Variants in ATL1 observed in about 807,000 individuals in gnomAD.
ATL1 encodes atlastin GTPase 1.
Under a neutral mutation model 75.5 loss-of-function variants are expected in ATL1, and 31 were observed. The observed-to-expected ratio is 0.41, with a 90% CI of 0.31 to 0.55. The LOEUF (loss-of-function observed/expected upper bound fraction) is 0.55, where lower values mean the gene tolerates loss of function less well. Among genes scored for constraint, ATL1 ranks in the 20% least tolerant of loss-of-function variants. The pLI is 0.27. For synonymous variants in ATL1, 226 were observed against 233.3 expected (o/e 0.97, Z 0.28); for missense variants, 405 against 662.6 (o/e 0.61, Z 4.27).
intron 8 of ATL1, among the ~76,000 whole-genome samples, chr14:50,615,869 G>A (rs1440570473): frequency 2.6e-5 from 4 of 152,138 alleles, no homozygotes; most frequent in Non-Finnish European, 5.9e-5. Flanking sequence ...TAAAAATGAT[G>A]GTGGCTTGTT....
intron 4 of ATL1, among the ~76,000 whole-genome samples, chr14:50,592,333 TA>T (rs1566724404): frequency 6.6e-6 from 1 of 151,742 alleles, no homozygotes; most frequent in East Asian, 1.9e-4. Context: ...GGCAGATCAA[TA>T]AAAAAAGGTA....
At chr14:50,548,669 C>A (rs1177088859) in intron 1 of ATL1, among the ~76,000 whole-genome samples, 1 of 152,090 alleles carries the variant, frequency 6.6e-6, no homozygotes, top group Non-Finnish European at 1.5e-5. Flanking sequence ...ACCGCCACGC[C>A]CAGCTAATTT....
intron 1 of ATL1, among the ~76,000 whole-genome samples, chr14:50,539,541 C>T (rs956624007): frequency 6.6e-6 from 1 of 152,152 alleles, no homozygotes; most frequent in Non-Finnish European, 1.5e-5. Context: ...AACGTGAGAC[C>T]CAGTTCTGTT....
At position 50,541,515 on chromosome 14, in the gene ATL1, G is replaced by C. The variant is rs75932976; in HGVS notation, c.-140+8148G>C. Among the ~76,000 whole-genome samples the C allele has an allele frequency of 2.8e-3, 427 of 152,288 alleles. 2 individuals are homozygous for C. Among genetic ancestry groups the C allele is most frequent in the Non-Finnish European group, 4.2e-3 (285 of 68,028 alleles). Reference sequence around the variant, plus strand: ...TATTTTGAGACAATGTACTGCATTTGCTACTCTTTGACCCATGTAACCTGT... The same window carrying C: ...TATTTTGAGACAATGTACTGCATTTCCTACTCTTTGACCCATGTAACCTGT... On this transcript the variant is annotated intron_variant, in intron 1 of 13. Coordinates refer to the ATL1 transcript ENST00000441560.
chr14:50,582,047 G>T (rs1020964741), intron 1 of ATL1, among the ~76,000 whole-genome samples: 1 of 152,040 alleles, frequency 6.6e-6, no homozygotes, highest in Non-Finnish European at 1.5e-5. Context: ...TTGGGAGGCC[G>T]AGGCGGGCGG....
chr14:50,627,336 T>C (rs1202329959), intron 11 of ATL1, among the ~76,000 whole-genome samples: 1 of 152,160 alleles, frequency 6.6e-6, no homozygotes, highest in Non-Finnish European at 1.5e-5. Flanking sequence ...TTATATGAAT[T>C]AGGAAATAAA....
At chr14:50,554,230 C>T (rs1050003798) in intron 1 of ATL1, among the ~76,000 whole-genome samples, 1 of 152,024 alleles carries the variant, frequency 6.6e-6, no homozygotes, top group Non-Finnish European at 1.5e-5. Flanking sequence ...AACTCAAATT[C>T]GTTATATAAC....
intron 6 of ATL1, 22 bp from the exon 7 acceptor site, chr14:50,613,237 A>G (rs1214576664): frequency 1.3e-6 from 2 of 1,584,232 alleles, no homozygotes. Context: ...CCTCATATCA[A>G]TCCTTTCTTA....
At chr14:50,614,915 A>T (rs2039400695) in intron 8 of ATL1, among the ~76,000 whole-genome samples, 1 of 152,214 alleles carries the variant, frequency 6.6e-6, no homozygotes, top group South Asian at 2.1e-4. Context: ...GCTCTTTAAA[A>T]CTGCTCCTAA....
At chr14:50,579,303 A>G (rs1326247698) in intron 1 of ATL1, among the ~76,000 whole-genome samples, 2 of 152,138 alleles carry the variant, frequency 1.3e-5, no homozygotes, top group African/African-American at 2.4e-5. Context: ...AGATGATTGT[A>G]TATGTGTGGG....
At chr14:50,610,864 C>T (rs2039359284) in intron 6 of ATL1, among the ~76,000 whole-genome samples, 1 of 152,084 alleles carries the variant, frequency 6.6e-6, no homozygotes, top group Admixed American at 6.6e-5. Flanking sequence ...ATTTCTTTTT[C>T]CGTCTAGTTC....
At chr14:50,550,518 C>T (rs1337483701) in intron 1 of ATL1, among the ~76,000 whole-genome samples, 1 of 152,150 alleles carries the variant, frequency 6.6e-6, no homozygotes, top group African/African-American at 2.4e-5. Flanking sequence ...GATATTCTGC[C>T]TTTTGCCTGA....
intron 1 of ATL1, among the ~76,000 whole-genome samples, chr14:50,568,473 T>C (rs1319200516): frequency 6.6e-6 from 1 of 152,216 alleles, no homozygotes; most frequent in African/African-American, 2.4e-5. Flanking sequence ...TCTTTTCTGA[T>C]ATTAGTATTG....
intron 1 of ATL1, among the ~76,000 whole-genome samples, chr14:50,548,792 G>T (rs985110424): frequency 6.6e-6 from 1 of 152,122 alleles, no homozygotes; most frequent in African/African-American, 2.4e-5. Context: ...TTACAGGTGT[G>T]AGCCACTGCA....
At chr14:50,618,421 C>A (rs2039434595) in intron 8 of ATL1, among the ~76,000 whole-genome samples, 2 of 152,074 alleles carry the variant, frequency 1.3e-5, no homozygotes, top group Admixed American at 1.3e-4. Context: ...GCAAAATTAT[C>A]AGTGAAAATT....
At chr14:50,590,871 C>A (rs182560221) in intron 2 of ATL1, 70 bp from the exon 3 acceptor site, 57 of 1,501,820 alleles carry the variant, frequency 3.8e-5, no homozygotes, top group Admixed American at 1.0e-4. Context: ...GGATAAGAAT[C>A]AGAATGAATG....
intron 1 of ATL1, among the ~76,000 whole-genome samples, chr14:50,584,238 G>C (rs934957109): frequency 6.6e-6 from 1 of 151,996 alleles, no homozygotes; most frequent in African/African-American, 2.4e-5. Context: ...AGTGGGACTT[G>C]GTGGTTGTGT....
At chr14:50,560,571 A>G (rs993643068) in intron 1 of ATL1, 11 of 518,138 alleles carry the variant, frequency 2.1e-5, no homozygotes, top group Admixed American at 6.4e-5. Context: ...GCCTCCTCCC[A>G]GCATTTGGAC....
At chr14:50,623,010 TAC>T (rs2039482762) in intron 10 of ATL1, among the ~76,000 whole-genome samples, 165 bp from the exon 11 acceptor site, 3 of 152,234 alleles carry the variant, frequency 2.0e-5, no homozygotes, top group Non-Finnish European at 4.4e-5. Flanking sequence ...GAAACTTTTG[TAC>T]TACTTTTTAA....
Sources: gnomAD v4.1 joint callset for allele counts (sites outside exome capture counted in the v4.1 genomes callset) on GRCh38, gnomAD v4.1.1 for gene constraint, MANE v1.5 for transcripts, NCBI Gene and HGNC (gene_info 2026-07-23, HGNC 2026-07-21) for gene names.